The following CAMK1D variants were observed in gnomAD, a reference collection of about 807,000 sequenced individuals.
CAMK1D encodes the protein calcium/calmodulin dependent protein kinase ID, also known as calcium/calmodulin-dependent protein kinase type 1D.
A neutral mutation model predicts 47.7 loss-of-function variants in CAMK1D; 9 were observed. The observed-to-expected ratio is 0.19, with a 90% CI of 0.11 to 0.33. The LOEUF (loss-of-function observed/expected upper bound fraction) is 0.33. Among genes scored for constraint, CAMK1D ranks in the 10% least tolerant of loss-of-function variants. The pLI is 1.00. For synonymous variants in CAMK1D, 184 were observed against 184.9 expected (o/e 0.99, Z 0.04); for missense variants, 291 against 488.7 (o/e 0.60, Z 3.81).
chr10:12,766,257 C>A (rs974340743), intron 4 of CAMK1D, among the ~76,000 whole-genome samples: 1 of 150,232 alleles, frequency 6.7e-6, no homozygotes, highest in Non-Finnish European at 1.5e-5. Context: ...CAGGTGTGAG[C>A]CCCCCCTCCT....
rs183587205 is a variant in CAMK1D at position 12,806,157 on chromosome 10, G to A, written c.642-8038G>A. Among the ~76,000 whole-genome samples, 411 of 152,314 alleles carry A rather than the reference G, an allele frequency of 2.7e-3. 1 individual carries two copies. The highest frequency in any genetic ancestry group is 9.1e-3 in the African/African-American group (380 of 41,566). On this transcript the variant is annotated intron_variant, in intron 6 of 10. Coordinates refer to ENST00000619168, the MANE Select transcript of CAMK1D (RefSeq NM_153498.4). ...GGAATTTTCTCGATTGAGGATGCAA[G>A]GCTTCCCCTGACCAGCTCCAAATGA...
chr10:12,690,112 G>A (rs893740123), intron 3 of CAMK1D, among the ~76,000 whole-genome samples: 2 of 152,152 alleles, frequency 1.3e-5, no homozygotes, highest in African/African-American at 4.8e-5. Flanking sequence ...CCATCTCCGT[G>A]TGGACCTGAT....
intron 3 of CAMK1D, among the ~76,000 whole-genome samples, chr10:12,678,075 A>G (rs532813198): frequency 7.2e-5 from 11 of 152,274 alleles, no homozygotes; most frequent in East Asian, 5.8e-4. Context: ...ACTAGGTTCA[A>G]CTGTATGAAG....
chr10:12,527,747 C>T (rs1451320062), intron 1 of CAMK1D, among the ~76,000 whole-genome samples: 1 of 152,216 alleles, frequency 6.6e-6, no homozygotes, highest in Non-Finnish European at 1.5e-5. Flanking sequence ...CCAGTGGATA[C>T]TTCTTCAACT....
intron 1 of CAMK1D, among the ~76,000 whole-genome samples, chr10:12,401,107 TTTA>T (rs1358279871): frequency 3.8e-5 from 3 of 79,258 alleles, no homozygotes; most frequent in East Asian, 3.3e-4. Flanking sequence ...ATATATATAT[TTTA>T]TATATATAAT....
chr10:12,367,399 G>A lies in CAMK1D; in HGVS notation c.92+17489G>A, dbSNP rs189665968. 2.3e-3 allele frequency among the ~76,000 whole-genome samples: 351 copies of A among 152,058 alleles called. 2 individuals carry two copies. Among genetic ancestry groups the A allele is most frequent in the African/African-American group, 7.7e-3 (320 of 41,456 alleles). On this transcript the variant is annotated intron_variant, in intron 1 of 10. Transcript: ENST00000619168. ...ACAATTTTTCCATGGACGAGGGGTG[G>A]GGGGATGGTTTCAGGATGATTCAAG...
intron 1 of CAMK1D, among the ~76,000 whole-genome samples, chr10:12,511,837 G>C (rs1835050401): frequency 6.6e-6 from 1 of 152,244 alleles, no homozygotes; most frequent in Non-Finnish European, 1.5e-5. Context: ...TCATGACGAT[G>C]AATGTATAAC....
chr10:12,452,673 C>T (rs1030135137), intron 1 of CAMK1D, among the ~76,000 whole-genome samples: 3 of 151,880 alleles, frequency 2.0e-5, no homozygotes, highest in Non-Finnish European at 4.4e-5. Flanking sequence ...GCAACCTCCG[C>T]CTCCTGGGTT....
intron 3 of CAMK1D, among the ~76,000 whole-genome samples, chr10:12,759,694 C>A (rs1056579297): frequency 6.6e-6 from 1 of 151,312 alleles, no homozygotes; most frequent in African/African-American, 2.4e-5. Flanking sequence ...GGAAATGAAA[C>A]ATTATCCAAG....
chr10:12,633,233 C>A (rs1839428910), intron 2 of CAMK1D, among the ~76,000 whole-genome samples: 1 of 152,034 alleles, frequency 6.6e-6, no homozygotes, highest in South Asian at 2.1e-4. Context: ...TGGAGAGGTA[C>A]CAGAGAGGAG....
At position 12,523,394 on chromosome 10, in the gene CAMK1D, G is replaced by A. The variant is rs573019594; in HGVS notation, c.93-29831G>A. On this transcript the variant is annotated intron_variant, in intron 1 of 10. Coordinates refer to ENST00000619168, the MANE Select transcript of CAMK1D (RefSeq NM_153498.4). ...GGCACTTTGGGAGGCCAAGGCAGGC[G>A]GCTGGGAGGTGGAGGTTGTAGCCAG... 4.6e-5 allele frequency among the ~76,000 whole-genome samples: 7 copies of A among 152,332 alleles called. No homozygotes were observed. In the East Asian group the frequency reaches 5.8e-4, roughly 13 times the overall value.
At chr10:12,754,601 G>A (rs557043502) in intron 3 of CAMK1D, among the ~76,000 whole-genome samples, 6 of 152,228 alleles carry the variant, frequency 3.9e-5, no homozygotes, top group Non-Finnish European at 7.3e-5. Context: ...GAATACCACA[G>A]ACTGGGTGGC....
intron 1 of CAMK1D, among the ~76,000 whole-genome samples, chr10:12,418,356 G>C (rs1304636099): frequency 1.3e-5 from 2 of 152,210 alleles, no homozygotes; most frequent in Non-Finnish European, 2.9e-5. Flanking sequence ...TGTAATCCCA[G>C]CACTTTGGGA....
intron 2 of CAMK1D, among the ~76,000 whole-genome samples, chr10:12,635,503 A>G (rs1222880159): frequency 6.6e-6 from 1 of 152,152 alleles, no homozygotes; most frequent in Non-Finnish European, 1.5e-5. Flanking sequence ...CTTAGATTCA[A>G]AGAACTCTGG....
At chr10:12,454,585 C>G (rs1394839394) in intron 1 of CAMK1D, among the ~76,000 whole-genome samples, 1 of 152,186 alleles carries the variant, frequency 6.6e-6, no homozygotes, top group African/African-American at 2.4e-5. Context: ...GCCTCAGCCT[C>G]CCGAGTAGCT....
At chr10:12,478,467 AT>A (rs201173632) in intron 1 of CAMK1D, among the ~76,000 whole-genome samples, 3,150 of 147,116 alleles carry the variant, frequency 0.021, 70 homozygotes, top group South Asian at 0.085. Context: ...ATCCTGTCTA[AT>A]TTTTTTTTTT....
chr10:12,596,308 T>G (rs1302378091), intron 2 of CAMK1D, among the ~76,000 whole-genome samples: 4 of 152,150 alleles, frequency 2.6e-5, no homozygotes, highest in Non-Finnish European at 5.9e-5. Context: ...AGCAGTGGGC[T>G]TCTATAGGCT....
At chr10:12,361,066 A>G in intron 1 of CAMK1D, among the ~76,000 whole-genome samples, 1 of 152,158 alleles carries the variant, frequency 6.6e-6, no homozygotes. Flanking sequence ...TAAGTTGGGG[A>G]CATCCTGTAT....
At chr10:12,636,383 G>A (rs140478177) in intron 2 of CAMK1D, among the ~76,000 whole-genome samples, 44 of 152,188 alleles carry the variant, frequency 2.9e-4, no homozygotes, top group African/African-American at 9.4e-4. Context: ...GCTAGAGTGC[G>A]GTGGCACGAT....
Sources: allele counts gnomAD v4.1 joint callset (sites outside exome capture counted in the v4.1 genomes callset), GRCh38; gene constraint gnomAD v4.1.1; transcripts MANE v1.5; gene names NCBI Gene and HGNC (gene_info 2026-07-23, HGNC 2026-07-21).